The following ELFN1 variants were observed in gnomAD, a reference collection of about 807,000 sequenced individuals.
ELFN1 encodes the protein extracellular leucine rich repeat and fibronectin type III domain containing 1, also known as protein ELFN1.
ELFN1 carries 6 observed loss-of-function variants against 7.6 expected under a neutral mutation model. The observed-to-expected ratio is 0.79, with a 90% confidence interval of 0.43 to 1.56. The LOEUF is 1.56. ELFN1 is among the 40% of genes most tolerant of loss of function. The probability of loss-of-function intolerance (pLI) is 0.01; values close to 1 mark genes in which losing one functional copy is unlikely to be tolerated. For synonymous variants in ELFN1, 657 were observed against 588.1 expected, an observed-to-expected ratio of 1.12 and a Z score of -1.70; for missense variants, 1,169 against 1,232.2, an observed-to-expected ratio of 0.95 and a Z score of 0.77.
intron 2 of ELFN1, among the ~76,000 whole-genome samples, chr7:1,703,718 C>G (rs1288617427): frequency 5.9e-5 from 9 of 152,136 alleles, no homozygotes; most frequent in African/African-American, 2.2e-4. Context: ...GATTGTGGAG[C>G]CCTAATTACC....
intron 3 of ELFN1, among the ~76,000 whole-genome samples, chr7:1,737,607 AAGTGGC>A (rs1204994925): frequency 6.6e-6 from 1 of 152,080 alleles, no homozygotes; most frequent in Non-Finnish European, 1.5e-5. Context: ...ACGTTCCCTG[AAGTGGC>A]CAGCTCATTC....
intron 2 of ELFN1, among the ~76,000 whole-genome samples, chr7:1,704,955 G>T (rs1285519091): frequency 1.3e-5 from 2 of 152,178 alleles, no homozygotes; most frequent in African/African-American, 2.4e-5. Context: ...GTGGAGACGG[G>T]GACAGTGAGG....
chr7:1,706,292 G>A (rs923548859), intron 2 of ELFN1, among the ~76,000 whole-genome samples: 6 of 152,278 alleles, frequency 3.9e-5, no homozygotes, highest in African/African-American at 1.4e-4. Context: ...GCATGGTGGT[G>A]GGTGCCTGTG....
At chr7:1,680,737 A>ATTTTTT (rs967183963) in intron 1 of ELFN1, among the ~76,000 whole-genome samples, 1 of 128,922 alleles carries the variant, frequency 7.8e-6, no homozygotes, top group Non-Finnish European at 1.6e-5. Flanking sequence ...TGGATTTACA[A>ATTTTTT]TTTTTTTTTT....
At chr7:1,702,791 A>T (rs1779455735) in intron 2 of ELFN1, among the ~76,000 whole-genome samples, 1 of 151,148 alleles carries the variant, frequency 6.6e-6, no homozygotes, top group South Asian at 2.1e-4. Context: ...TTTCTTTCTG[A>T]ATCTTATAAT....
chr7:1,690,824 G>GTGGA (rs1779146742), intron 2 of ELFN1, among the ~76,000 whole-genome samples: 1 of 151,872 alleles, frequency 6.6e-6, no homozygotes, highest in Admixed American at 6.6e-5. Context: ...GGGTGGAGAG[G>GTGGA]TGGATGGATG....
intron 2 of ELFN1, among the ~76,000 whole-genome samples, chr7:1,701,674 T>C (rs1214001086): frequency 6.6e-6 from 1 of 152,090 alleles, no homozygotes; most frequent in Admixed American, 6.6e-5. Flanking sequence ...CAGATGTGCA[T>C]GCTTGTAGTT....
chr7:1,731,714 C>T (rs1311135648), intron 3 of ELFN1, among the ~76,000 whole-genome samples: 1 of 152,118 alleles, frequency 6.6e-6, no homozygotes, highest in African/African-American at 2.4e-5. Flanking sequence ...TGCAGTGGTG[C>T]GATCTCAGCT....
intron 3 of ELFN1, among the ~76,000 whole-genome samples, chr7:1,719,862 C>T (rs1442765307): frequency 6.6e-6 from 1 of 151,064 alleles, no homozygotes; most frequent in African/African-American, 2.4e-5. Context: ...ACCCTAGCCC[C>T]AGCCACTGGC....
At chr7:1,722,958 G>A (rs1780068384) in intron 3 of ELFN1, among the ~76,000 whole-genome samples, 1 of 152,158 alleles carries the variant, frequency 6.6e-6, no homozygotes, top group Non-Finnish European at 1.5e-5. Context: ...ACTCTGGGAG[G>A]CCAAGGTGGG....
At chr7:1,720,599 G>C (rs1408659376) in intron 3 of ELFN1, among the ~76,000 whole-genome samples, 1 of 152,170 alleles carries the variant, frequency 6.6e-6, no homozygotes, top group Non-Finnish European at 1.5e-5. Flanking sequence ...GCCAGCTTGT[G>C]TGCCAAGAAC....
rs909031187 is a variant in ELFN1, at chr7:1,745,401, C to T, written c.805C>T (p.Arg269Cys). ...CGGGCCCCCACGTCCAGCATCCGGG[C>T]GCTCACAGCCGGGCCGCTCCCCGCC... ...VVGPPRPASG[R>C]SQPGRSPPPP... Residue 269 changes from arginine to cysteine, a missense_variant, in exon 4 of 4, where the codon CGC (arginine) becomes TGC (cysteine). This residue lies in a region of ELFN1 where 914 missense variants were observed against 872.6 expected (regional missense o/e 1.05). Transcript: ENST00000424383. 4.5e-6 allele frequency: 7 copies of T among 1,538,850 alleles called. No individual in the cohort carries two copies. The highest frequency in any genetic ancestry group is 2.0e-5 in the Admixed American group (1 of 50,898).
Position 1,739,357 on chromosome 7 carries a change from TG to T in ELFN1, c.-293-4941del. The T allele has an allele frequency of 6.6e-6, 1 of 151,600 alleles. No individual in the cohort carries two copies. Among genetic ancestry groups the T allele is most frequent in the Non-Finnish European group, 1.5e-5 (1 of 68,000 alleles). 9.4% of individuals were successfully genotyped at this position (151,600 alleles called of 1,614,324 possible). On this transcript the variant is annotated intron_variant, in intron 3 of 3. Transcript: ENST00000424383. The surrounding 1 kb of genome is among the most constrained non-coding windows in gnomAD (Gnocchi z 4.6). The stretch of plus-strand genomic sequence containing the variant: ...GATGCTGCTGGAGTTGGACCAGGTG[TG>T]GGGGGAGGAAAGAGAGGAGTCCAGA...
intron 3 of ELFN1, among the ~76,000 whole-genome samples, chr7:1,713,992 C>G (rs1326697127): frequency 6.6e-6 from 1 of 152,180 alleles, no homozygotes; most frequent in African/African-American, 2.4e-5. Context: ...GGCTGCTGAG[C>G]AAACAGCACG....
At chr7:1,687,920 A>T (rs1240181460) in intron 1 of ELFN1, among the ~76,000 whole-genome samples, 138 bp from the exon 2 acceptor site, 2 of 151,884 alleles carry the variant, frequency 1.3e-5, no homozygotes, top group Non-Finnish European at 2.9e-5. Flanking sequence ...TTATAGAGAC[A>T]GGGTCTTACT....
At chr7:1,691,469 C>T (rs756995653) in intron 2 of ELFN1, among the ~76,000 whole-genome samples, 2 of 152,188 alleles carry the variant, frequency 1.3e-5, no homozygotes, top group African/African-American at 2.4e-5. Context: ...GTTGGGTAAG[C>T]GCTGTGGTCC....
chr7:1,668,794 G>A (rs971111761), upstream of ELFN1, among the ~76,000 whole-genome samples: 21 of 152,376 alleles, frequency 1.4e-4, no homozygotes, highest in South Asian at 3.9e-3. Context: ...GTCCAGGTCG[G>A]GGCAGAGGGA....
chr7:1,711,214 G>C (rs1779643028), intron 3 of ELFN1, among the ~76,000 whole-genome samples: 1 of 152,234 alleles, frequency 6.6e-6, no homozygotes, highest in Non-Finnish European at 1.5e-5. Flanking sequence ...AGTCTCCGAG[G>C]GGCTGCGTCT....
At chr7:1,729,979 G>T (rs1188849384) in intron 3 of ELFN1, among the ~76,000 whole-genome samples, 1 of 152,340 alleles carries the variant, frequency 6.6e-6, no homozygotes, top group African/African-American at 2.4e-5. Flanking sequence ...AGCCTCAAGG[G>T]CAGGGAGCTG....
Sources: allele counts gnomAD v4.1 joint callset (sites outside exome capture counted in the v4.1 genomes callset), GRCh38; gene constraint gnomAD v4.1.1; regional missense constraint gnomAD v4.1.1; non-coding constraint Gnocchi (gnomAD v3.1); transcripts MANE v1.5; gene names NCBI Gene and HGNC (gene_info 2026-07-23, HGNC 2026-07-21).